ACOXL: variants seen among roughly 807,000 people sequenced by gnomAD.
ACOXL encodes the protein acyl-CoA oxidase like.
Under a neutral mutation model 71.9 loss-of-function variants are expected in ACOXL, and 70 were observed. The observed-to-expected ratio is 0.97, with a 90% CI of 0.80 to 1.19. The LOEUF is 1.19. ACOXL is among the 50% of genes most tolerant of loss of function. The probability of loss-of-function intolerance (pLI) is 0.00; values close to 1 mark genes in which losing one functional copy is unlikely to be tolerated. For missense variants in ACOXL, 703 were observed against 736.3 expected (o/e 0.95, Z 0.52); for synonymous variants, 253 against 281.6 (o/e 0.90, Z 1.02).
At position 110,829,120 on chromosome 2, in the gene ACOXL, A is replaced by G. The variant is rs541191525; in HGVS notation, c.754-12251A>G. 5.3e-5 allele frequency among the ~76,000 whole-genome samples: 8 copies of G among 152,218 alleles called. No individual in the cohort carries two copies. The East Asian group carries it at 1.5e-3, about 29-fold the overall frequency. ...GCCACCGTGCCCAGCCTATCTTGCT[A>G]TTTAAATGTCTGTTTTGGGGGCTTT... On this transcript the variant is annotated intron_variant, in intron 9 of 17. Coordinates refer to ENST00000439055, the MANE Select transcript of ACOXL (RefSeq NM_001142807.4).
chr2:110,968,445 T>C, intron 12 of ACOXL: 1 of 1,195,322 alleles, frequency 8.4e-7, no homozygotes, highest in South Asian at 1.2e-5. Context: ...GCCAGAATGT[T>C]GCAGATTACC....
At chr2:111,082,212 C>G (rs1298216889) in intron 16 of ACOXL, among the ~76,000 whole-genome samples, 2 of 151,954 alleles carry the variant, frequency 1.3e-5, no homozygotes, top group Admixed American at 6.6e-5. Context: ...GCAAAAGAAA[C>G]TATCATCAGA....
At chr2:110,746,531 G>T (rs180751196) in intron 1 of ACOXL, among the ~76,000 whole-genome samples, 1 of 152,240 alleles carries the variant, frequency 6.6e-6, no homozygotes, top group Admixed American at 6.5e-5. Context: ...TCCAGCATGG[G>T]ACCCGGCTCC....
chr2:111,100,471 A>G (rs975361882), intron 17 of ACOXL: 2 of 152,668 alleles, frequency 1.3e-5, no homozygotes, highest in African/African-American at 4.8e-5. Context: ...ATAAATACTG[A>G]TTGTAACCAT....
chr2:111,061,338 A>AG (rs1244557297), intron 16 of ACOXL, among the ~76,000 whole-genome samples: 2 of 152,196 alleles, frequency 1.3e-5, no homozygotes, highest in African/African-American at 4.8e-5. Context: ...CAGAAACCAC[A>AG]GGGGTCAGAA....
Position 110,783,071 on chromosome 2 carries a change from C to T in ACOXL, c.76-1661C>T, listed in dbSNP as rs182735293. Among the ~76,000 whole-genome samples the T allele has an allele frequency of 2.0e-3, 309 of 152,260 alleles. 2 individuals are homozygous for T. Among genetic ancestry groups the T allele is most frequent in the Non-Finnish European group, 3.3e-3 (227 of 68,028 alleles). On this transcript the variant is annotated intron_variant, in intron 2 of 17. Transcript: ENST00000439055. ...GGTGGCAAGATGTCCAGATGAGAAA[C>T]CTGAAGCTCCGGATTCTGATAAAGG...
chr2:111,066,395 A>T (rs886913081), intron 16 of ACOXL, among the ~76,000 whole-genome samples: 2 of 152,166 alleles, frequency 1.3e-5, no homozygotes, highest in Non-Finnish European at 2.9e-5. Flanking sequence ...TTGCAGAAAG[A>T]GGAAGGAAGT....
intron 17 of ACOXL, 36 bp downstream of exon 17, chr2:111,093,002 A>C: frequency 6.5e-7 from 1 of 1,532,854 alleles, no homozygotes; most frequent in Non-Finnish European, 9.0e-7. Context: ...CACTTTGTAC[A>C]TCAGCCCTGG....
At chr2:110,822,831 C>T (rs1445845057) in intron 9 of ACOXL, among the ~76,000 whole-genome samples, 1 of 152,214 alleles carries the variant, frequency 6.6e-6, no homozygotes, top group Non-Finnish European at 1.5e-5. Context: ...TCTCCCTCCC[C>T]ATACCTTTGG....
chr2:111,064,293 G>A (rs915189895), intron 16 of ACOXL, among the ~76,000 whole-genome samples: 16 of 151,932 alleles, frequency 1.1e-4, no homozygotes, highest in South Asian at 2.1e-4. Flanking sequence ...AAAATTAGCC[G>A]GGCGTGGTGG....
At chr2:110,816,174 T>C (rs1360657745) in intron 9 of ACOXL, among the ~76,000 whole-genome samples, 1 of 151,056 alleles carries the variant, frequency 6.6e-6, no homozygotes, top group Non-Finnish European at 1.5e-5. Context: ...GATGGACGGA[T>C]GGATGGATAG....
chr2:110,986,684 G>C (rs190608921), intron 12 of ACOXL, among the ~76,000 whole-genome samples: 7 of 152,164 alleles, frequency 4.6e-5, no homozygotes, highest in African/African-American at 1.7e-4. Flanking sequence ...TTGAAGTAGA[G>C]GATAGAGATT....
Position 111,117,844 on chromosome 2 carries a change from G to C in ACOXL, c.*28G>C. On this transcript the variant is annotated 3_prime_UTR_variant, in exon 18 of 18. Coordinates refer to ENST00000439055, the MANE Select transcript of ACOXL (RefSeq NM_001142807.4). ...GGTGTGGCGGGAAGTGTGGTGGCCC[G>C]CCAGCAGCTGCCACGACGCTCGCTC... 6.5e-7 allele frequency: 1 copy of C among 1,533,394 alleles called. No homozygotes were observed. Among genetic ancestry groups the C allele is most frequent in the Middle Eastern group, 1.8e-4 (1 of 5,690 alleles). The allele number at this position is 1,533,394 out of a possible 1,614,324, so 95.0% of individuals were successfully genotyped here.
chr2:110,993,109 T>G (rs921934807), intron 13 of ACOXL, among the ~76,000 whole-genome samples: 8 of 152,244 alleles, frequency 5.3e-5, no homozygotes, highest in African/African-American at 1.9e-4. Context: ...TAATTTAGCA[T>G]GAGCGTCATT....
intron 9 of ACOXL, among the ~76,000 whole-genome samples, chr2:110,825,158 A>T (rs1689025254): frequency 6.6e-6 from 1 of 152,088 alleles, no homozygotes; most frequent in South Asian, 2.1e-4. Context: ...ACTTCTTCTA[A>T]CCTTTGTTCT....
chr2:111,104,540 A>G (rs113215231), intron 17 of ACOXL, among the ~76,000 whole-genome samples: 66 of 152,292 alleles, frequency 4.3e-4, no homozygotes, highest in African/African-American at 1.6e-3. Flanking sequence ...TCTGATATGT[A>G]TGTAGTATAT....
intron 17 of ACOXL, among the ~76,000 whole-genome samples, chr2:111,114,580 A>G (rs1343127906): frequency 1.3e-5 from 2 of 152,122 alleles, no homozygotes; most frequent in East Asian, 3.8e-4. Flanking sequence ...GACATATGGG[A>G]AGAGGCAGGA....
chr2:111,085,550 A>C (rs911763782), intron 16 of ACOXL, among the ~76,000 whole-genome samples: 3 of 152,214 alleles, frequency 2.0e-5, no homozygotes, highest in African/African-American at 7.2e-5. Context: ...GATACAATAC[A>C]GCAGAATCTC....
At chr2:111,017,927 A>G (rs763192953) in intron 14 of ACOXL, 11 of 152,222 alleles carry the variant, frequency 7.2e-5, no homozygotes, top group Non-Finnish European at 1.3e-4. Flanking sequence ...AAAGACATTC[A>G]TAAGTTTTCT....
Sources: allele counts gnomAD v4.1 joint callset (sites outside exome capture counted in the v4.1 genomes callset), GRCh38; gene constraint gnomAD v4.1.1; transcripts MANE v1.5; gene names NCBI Gene and HGNC (gene_info 2026-07-23, HGNC 2026-07-21).